Variants in SLC30A8 observed in about 807,000 individuals in gnomAD.
The protein encoded by SLC30A8 is solute carrier family 30 member 8.
SLC30A8 carries 27 observed loss-of-function variants against 36.9 expected under a neutral mutation model. The ratio of observed to expected loss-of-function variants is 0.73; its 90% CI spans 0.54 to 1.01. SLC30A8 has a LOEUF of 1.01. Among genes scored for constraint, SLC30A8 ranks in the 50% least tolerant of loss-of-function variants. The pLI, the probability that SLC30A8 is intolerant of heterozygous loss-of-function variation, is 0.00. For missense variants in SLC30A8, 439 were observed against 452.0 expected (o/e 0.97, Z 0.26); for synonymous variants, 164 against 172.4 (o/e 0.95, Z 0.38).
intron 1 of SLC30A8, among the ~76,000 whole-genome samples, chr8:117,008,852 A>C (rs914064892): frequency 6.6e-6 from 1 of 152,106 alleles, no homozygotes; most frequent in East Asian, 1.9e-4. Flanking sequence ...ATTTCTTCTT[A>C]ACCCTTATCA....
chr8:117,126,658 G>A (rs1022544094), intron 2 of SLC30A8, among the ~76,000 whole-genome samples: 13 of 151,972 alleles, frequency 8.6e-5, no homozygotes, highest in African/African-American at 2.4e-4. Flanking sequence ...GAACTGGGGA[G>A]ACAACAGTGT....
At chr8:117,087,537 T>G (rs762001242) in intron 2 of SLC30A8, among the ~76,000 whole-genome samples, 4 of 152,178 alleles carry the variant, frequency 2.6e-5, no homozygotes, top group Non-Finnish European at 4.4e-5. Flanking sequence ...CTTCGTCTTT[T>G]TTTTTCTAAT....
intron 1 of SLC30A8, among the ~76,000 whole-genome samples, chr8:116,972,172 T>C (rs1255519859): frequency 6.6e-6 from 1 of 152,210 alleles, no homozygotes; most frequent in Non-Finnish European, 1.5e-5. Flanking sequence ...TAATTATAAA[T>C]TTACACCTCA....
chr8:117,149,938 A>G (rs1298906428), intron 2 of SLC30A8, among the ~76,000 whole-genome samples: 1 of 152,190 alleles, frequency 6.6e-6, no homozygotes, highest in East Asian at 1.9e-4. Context: ...CACTCCCGCC[A>G]GGACCATGTA....
chr8:116,976,266 A>G (rs988358769), intron 1 of SLC30A8, among the ~76,000 whole-genome samples: 13 of 149,726 alleles, frequency 8.7e-5, no homozygotes, highest in Non-Finnish European at 1.5e-4. Context: ...TTTACTTCCA[A>G]GGTATAAATG....
chr8:117,062,562 C>G (rs1480629325), intron 2 of SLC30A8, among the ~76,000 whole-genome samples: 3 of 152,222 alleles, frequency 2.0e-5, no homozygotes, highest in Non-Finnish European at 4.4e-5. Context: ...ACACCTCTCA[C>G]CAGGCCCCAC....
chr8:117,052,535 A>G lies in SLC30A8; in HGVS notation c.-226+13277A>G, dbSNP rs1011816062. Reference sequence around the variant, plus strand: ...TTCTAAGAATGCAGCCACTGCATACACTGAGAGAACATGACCTTTTTTATC... The same window carrying G: ...TTCTAAGAATGCAGCCACTGCATACGCTGAGAGAACATGACCTTTTTTATC... On this transcript the variant is annotated intron_variant, in intron 2 of 10. Transcript: ENST00000427715. 2.6e-5 allele frequency among the ~76,000 whole-genome samples: 4 copies of G among 152,256 alleles called. No individual in the cohort carries two copies. The East Asian group carries it at 5.8e-4, about 22-fold the overall frequency.
At chr8:117,116,196 G>A (rs1400298225) in intron 2 of SLC30A8, among the ~76,000 whole-genome samples, 5 of 152,026 alleles carry the variant, frequency 3.3e-5, no homozygotes, top group African/African-American at 1.2e-4. Flanking sequence ...CTTATAGGTA[G>A]GCAGTGATGG....
chr8:116,966,485 C>T (rs559191558), intron 1 of SLC30A8, among the ~76,000 whole-genome samples: 1 of 152,174 alleles, frequency 6.6e-6, no homozygotes, highest in African/African-American at 2.4e-5. Context: ...GGCCATAATC[C>T]TATAAACATG....
intron 2 of SLC30A8, among the ~76,000 whole-genome samples, chr8:117,052,120 C>T (rs920134402): frequency 1.3e-5 from 2 of 152,148 alleles, no homozygotes; most frequent in Non-Finnish European, 2.9e-5. Context: ...AAGCGATTCT[C>T]CTGCCTCAGC....
chr8:117,026,835 C>T lies in SLC30A8; in HGVS notation c.-265-12384C>T, dbSNP rs543319626. 6.6e-5 allele frequency among the ~76,000 whole-genome samples: 10 copies of T among 152,184 alleles called. No individual in the cohort carries two copies. In the South Asian group the frequency reaches 2.1e-3, roughly 32 times the overall value. On this transcript the variant is annotated intron_variant, in intron 1 of 10. Transcript: ENST00000427715. ...CAAAATAAATGCAGTGAGAGAGATA[C>T]TCCTATTTTAAAACAAGAAACCTGG...
chr8:117,110,424 C>T (rs1820176667), intron 2 of SLC30A8, among the ~76,000 whole-genome samples: 1 of 152,168 alleles, frequency 6.6e-6, no homozygotes, highest in Non-Finnish European at 1.5e-5. Context: ...CACCATGTGT[C>T]ATGATGTCCT....
intron 2 of SLC30A8, among the ~76,000 whole-genome samples, chr8:117,148,148 ATTTCT>A (rs2130969404): frequency 6.6e-6 from 1 of 152,018 alleles, no homozygotes; most frequent in Admixed American, 6.5e-5. Context: ...TTTTGAGCTC[ATTTCT>A]TTTACTACTC....
intron 2 of SLC30A8, among the ~76,000 whole-genome samples, chr8:117,115,761 CA>C: frequency 6.6e-6 from 1 of 152,018 alleles, no homozygotes; most frequent in East Asian, 2.0e-4. Flanking sequence ...GGGAAGGGCT[CA>C]TTGAGGCTGT....
At chr8:117,130,570 T>C (rs1240638528), upstream of SLC30A8, among the ~76,000 whole-genome samples, 1 of 151,998 alleles carries the variant, frequency 6.6e-6, no homozygotes, top group Non-Finnish European at 1.5e-5. Flanking sequence ...TAGTCTTCAG[T>C]GATGCTCTGT....
intron 2 of SLC30A8, among the ~76,000 whole-genome samples, chr8:117,121,969 T>A (rs571392087): frequency 6.6e-6 from 1 of 151,684 alleles, no homozygotes; most frequent in African/African-American, 2.4e-5. Flanking sequence ...CTTAAGAGAG[T>A]AGGTCTTATG....
At chr8:117,032,856 C>T (rs1025915167) in intron 1 of SLC30A8, among the ~76,000 whole-genome samples, 1 of 151,664 alleles carries the variant, frequency 6.6e-6, no homozygotes, top group Non-Finnish European at 1.5e-5. Flanking sequence ...CGCCATTGCA[C>T]TCCAGCCTGG....
At chr8:117,090,009 G>T (rs1819041482) in intron 2 of SLC30A8, among the ~76,000 whole-genome samples, 1 of 151,706 alleles carries the variant, frequency 6.6e-6, no homozygotes, top group Non-Finnish European at 1.5e-5. Context: ...TTCTCACTCT[G>T]TTGGCCAGGC....
At chr8:116,973,685 CTACTT>C (rs978051180) in intron 1 of SLC30A8, among the ~76,000 whole-genome samples, 39 of 152,268 alleles carry the variant, frequency 2.6e-4, no homozygotes, top group African/African-American at 9.4e-4. Context: ...TCGGAAGAAA[CTACTT>C]TAAAGTTCAT....
Sources: allele counts gnomAD v4.1 joint callset (sites outside exome capture counted in the v4.1 genomes callset), GRCh38; gene constraint gnomAD v4.1.1; transcripts MANE v1.5; gene names NCBI Gene and HGNC (gene_info 2026-07-23, HGNC 2026-07-21).